Variants in MORC1 observed in about 807,000 individuals in gnomAD.
MORC1 encodes the protein MORC family CW-type zinc finger protein 1.
In MORC1, 59 loss-of-function variants were observed where a neutral mutation model predicts 134.9. That is an observed-to-expected ratio of 0.44 (90% CI 0.35 to 0.54). The LOEUF (loss-of-function observed/expected upper bound fraction) is 0.54. Among genes scored for constraint, MORC1 ranks in the 20% least tolerant of loss-of-function variants. The probability of loss-of-function intolerance (pLI) is 0.00; values close to 1 mark genes in which losing one functional copy is unlikely to be tolerated. For synonymous variants in MORC1, 395 were observed against 391.7 expected (o/e 1.01, Z -0.10); for missense variants, 947 against 1,134.5 (o/e 0.83, Z 2.37).
chr3:108,979,785 T>C, intron 23 of MORC1, 118 bp from the exon 24 acceptor site: 1 of 1,123,010 alleles, frequency 8.9e-7, no homozygotes, highest in Middle Eastern at 2.2e-4. Context: ...AACATGCGTG[T>C]AATGCCGAAA....
intron 16 of MORC1, among the ~76,000 whole-genome samples, chr3:109,031,700 C>T (rs1203120981): frequency 6.6e-6 from 1 of 152,124 alleles, no homozygotes; most frequent in Non-Finnish European, 1.5e-5. Flanking sequence ...TTTATAATCA[C>T]GGTCCCTGGA....
chr3:108,994,703 T>C (rs1183435206), intron 21 of MORC1, among the ~76,000 whole-genome samples: 1 of 152,082 alleles, frequency 6.6e-6, no homozygotes, highest in Non-Finnish European at 1.5e-5. Context: ...TCAGTACTTT[T>C]ATCGCTCTGT....
chr3:109,094,850 T>C, intron 7 of MORC1, 59 bp downstream of exon 7: 1 of 1,463,410 alleles, frequency 6.8e-7, no homozygotes, highest in African/African-American at 1.4e-5. Context: ...TACAGTGTCT[T>C]TGATAAGACA....
At chr3:109,079,536 G>T (rs777731686) in intron 8 of MORC1, among the ~76,000 whole-genome samples, 6 of 151,834 alleles carry the variant, frequency 4.0e-5, no homozygotes, top group Non-Finnish European at 8.8e-5. Flanking sequence ...TGATTAAAAA[G>T]AATAGTAACT....
intron 27 of MORC1, among the ~76,000 whole-genome samples, chr3:108,959,709 T>G (rs2715759): frequency 0.35 from 52,572 of 152,014 alleles, 9,515 homozygotes; most frequent in Middle Eastern, 0.49. Context: ...TCATGGAAAA[T>G]GCATATTATG....
At chr3:109,095,600 A>G (rs1950817941) in intron 6 of MORC1, among the ~76,000 whole-genome samples, 1 of 152,180 alleles carries the variant, frequency 6.6e-6, no homozygotes. Flanking sequence ...GAGTAGAACA[A>G]TGGATTTCTA....
intron 21 of MORC1, among the ~76,000 whole-genome samples, chr3:108,991,529 C>T (rs902941368): frequency 8.5e-5 from 13 of 152,268 alleles, no homozygotes; most frequent in East Asian, 3.9e-4. Context: ...CTCTCTTGAT[C>T]TTCATAGCCT....
intron 3 of MORC1, among the ~76,000 whole-genome samples, chr3:109,108,714 G>A (rs932046438): frequency 2.0e-5 from 3 of 152,070 alleles, no homozygotes; most frequent in African/African-American, 7.2e-5. Flanking sequence ...TGGCTAACAT[G>A]GTGAAACCCC....
intron 10 of MORC1, 150 bp downstream of exon 10, chr3:109,063,002 T>C: frequency 2.0e-6 from 1 of 506,894 alleles, no homozygotes; most frequent in Non-Finnish European, 3.5e-6. Context: ...AAAGAATGTG[T>C]TTTGAAGTTC....
At chr3:109,110,835 A>G in intron 2 of MORC1, 52 bp from the exon 3 acceptor site, 1 of 1,371,910 alleles carries the variant, frequency 7.3e-7, no homozygotes, top group African/African-American at 1.5e-5. Flanking sequence ...AATTGCTTAC[A>G]TAAGGTATAA....
chr3:109,017,196 A>G lies in MORC1; in HGVS notation c.1705-10105T>C, dbSNP rs185981347. On this transcript the variant is annotated intron_variant, in intron 17 of 27. Transcript: ENST00000232603. ...AATCGCCTTTCTGTTATAAGGCCCA[A>G]TGGACTTAGCACGATGCTTAGATCA... Among the ~76,000 whole-genome samples the G allele has an allele frequency of 5.4e-3, 816 of 152,336 alleles. 10 individuals are homozygous for G. The highest frequency in any genetic ancestry group is 7.4e-3 in the Non-Finnish European group (506 of 68,030).
Position 109,005,222 on chromosome 3 carries a change from G to A in MORC1, c.1861C>T (p.Gln621Ter). The change falls in exon 19 of 28, where the codon CAG (glutamine) becomes TAG (stop). Residue 621 changes from glutamine to a stop codon, truncating the protein, a stop_gained. Coordinates refer to ENST00000232603, the MANE Select transcript of MORC1 (RefSeq NM_014429.4). LOFTEE classifies it high-confidence loss of function. ...TCTGTCTCTTCTATGTTTCTTTTCT[G>A]TCCTCTACGGCTCGCTGAAAGCTCA... ...SFELSASRRG[Q>*]KRNIEETDSD... is the part of the protein sequence containing the mutation. The A allele has an allele frequency of 6.2e-7, 1 of 1,613,706 alleles. No homozygotes were observed. The highest frequency in any genetic ancestry group is 8.5e-7 in the Non-Finnish European group (1 of 1,179,902).
chr3:108,996,286 G>GCGCGCGCA, intron 21 of MORC1, among the ~76,000 whole-genome samples: 22 of 146,468 alleles, frequency 1.5e-4, no homozygotes, highest in Admixed American at 3.4e-4. Context: ...GCGCGCGCGC[G>GCGCGCGCA]CACACACACA....
chr3:109,088,805 A>G (rs1354852500), intron 8 of MORC1, among the ~76,000 whole-genome samples: 1 of 152,180 alleles, frequency 6.6e-6, no homozygotes, highest in East Asian at 1.9e-4. Context: ...AATAGCAAAG[A>G]TATGGAACCT....
chr3:109,076,868 C>T (rs553943936), intron 8 of MORC1, among the ~76,000 whole-genome samples: 11 of 151,648 alleles, frequency 7.3e-5, no homozygotes, highest in African/African-American at 2.7e-4. Context: ...AGGAGAAATA[C>T]CTAATGTAGA....
In MORC1 at chr3:108,969,668, C is replaced by T; in HGVS notation, c.2604+1G>A. 1 of 1,613,140 alleles carries T rather than the reference C, an allele frequency of 6.2e-7. No homozygotes were observed. The highest frequency in any genetic ancestry group is 1.1e-5 in the South Asian group (1 of 91,058). On this transcript the variant is annotated splice_donor_variant, in intron 26 of 27. Coordinates refer to ENST00000232603, the MANE Select transcript of MORC1 (RefSeq NM_014429.4). LOFTEE classifies it high-confidence loss of function. ...AATGGTGATACTGAAAGGAAGCTTA[C>T]CTGGTTGAAACACATTTTCAGCTTT...
At chr3:109,070,477 T>C (rs1950294447) in intron 8 of MORC1, among the ~76,000 whole-genome samples, 1 of 152,116 alleles carries the variant, frequency 6.6e-6, no homozygotes, top group Admixed American at 6.5e-5. Flanking sequence ...TATATTAAAG[T>C]CCGTTTATGA....
intron 17 of MORC1, among the ~76,000 whole-genome samples, chr3:109,014,521 C>T (rs747205954): frequency 9.2e-5 from 14 of 152,180 alleles, no homozygotes; most frequent in Non-Finnish European, 1.6e-4. Context: ...ATATTAAATT[C>T]CAGTGTATAC....
At chr3:109,064,156 T>C (rs150638501) in intron 9 of MORC1, among the ~76,000 whole-genome samples, 2,167 of 152,248 alleles carry the variant, frequency 0.014, 26 homozygotes, top group Non-Finnish European at 0.024. Flanking sequence ...TGTACATATA[T>C]ATAATGTATA....
Sources: allele counts gnomAD v4.1 joint callset (sites outside exome capture counted in the v4.1 genomes callset), GRCh38; gene constraint gnomAD v4.1.1; transcripts MANE v1.5; gene names NCBI Gene and HGNC (gene_info 2026-07-23, HGNC 2026-07-21).